Variants in NPAS3 observed in about 807,000 individuals in gnomAD.
NPAS3 encodes the protein neuronal PAS domain protein 3.
A neutral mutation model predicts 73.1 loss-of-function variants in NPAS3; 14 were observed. The observed-to-expected ratio is 0.19, with a 90% CI of 0.13 to 0.30. The LOEUF is 0.30. Among genes scored for constraint, NPAS3 ranks in the 10% least tolerant of loss-of-function variants. The pLI is 1.00. For missense variants in NPAS3, 1,096 were observed against 1,250.0 expected (o/e 0.88, Z 1.86); for synonymous variants, 620 against 541.5 (o/e 1.14, Z -2.01).
At chr14:33,211,509 G>A (rs1349460180) in intron 2 of NPAS3, among the ~76,000 whole-genome samples, 1 of 152,038 alleles carries the variant, frequency 6.6e-6, no homozygotes, top group Non-Finnish European at 1.5e-5. Flanking sequence ...AGCCAAGATC[G>A]AACCATTGCA....
chr14:33,077,117 A>G (rs534563148), intron 2 of NPAS3, among the ~76,000 whole-genome samples: 14 of 152,332 alleles, frequency 9.2e-5, no homozygotes, highest in African/African-American at 3.4e-4. Context: ...GGTAGCAGGC[A>G]CTAAACAAAT....
chr14:33,385,492 A>G (rs1284590184), intron 4 of NPAS3, among the ~76,000 whole-genome samples: 2 of 152,202 alleles, frequency 1.3e-5, no homozygotes, highest in East Asian at 3.9e-4. Flanking sequence ...AAACAGCACC[A>G]GTAGTTTTTG....
At chr14:33,659,120 G>C (rs2059234169) in intron 5 of NPAS3, among the ~76,000 whole-genome samples, 1 of 152,196 alleles carries the variant, frequency 6.6e-6, no homozygotes, top group African/African-American at 2.4e-5. Context: ...AAATGAATTA[G>C]ATATGGCTGC....
intron 3 of NPAS3, among the ~76,000 whole-genome samples, chr14:33,335,609 C>G (rs921046358): frequency 6.6e-6 from 1 of 152,136 alleles, no homozygotes; most frequent in Non-Finnish European, 1.5e-5. Flanking sequence ...GTTGGAAGTT[C>G]CCAGGCCAGT....
At chr14:33,522,781 A>C (rs371973873) in intron 4 of NPAS3, among the ~76,000 whole-genome samples, 1 of 152,158 alleles carries the variant, frequency 6.6e-6, no homozygotes, top group East Asian at 1.9e-4. Flanking sequence ...CAAGGAAAAT[A>C]GTTATCTTAC....
chr14:33,196,217 A>G (rs1329260140), intron 2 of NPAS3, among the ~76,000 whole-genome samples: 1 of 152,140 alleles, frequency 6.6e-6, no homozygotes, highest in Non-Finnish European at 1.5e-5. Context: ...GTACCTACCC[A>G]ATTAGCTCTA....
chr14:33,510,725 G>T (rs376718073), intron 4 of NPAS3, among the ~76,000 whole-genome samples: 3 of 152,116 alleles, frequency 2.0e-5, no homozygotes, highest in African/African-American at 7.2e-5. Flanking sequence ...TTTATATAAC[G>T]TGTGCTTACT....
intron 4 of NPAS3, among the ~76,000 whole-genome samples, chr14:33,514,227 T>A (rs1566963894): frequency 6.6e-6 from 1 of 151,980 alleles, no homozygotes; most frequent in Admixed American, 6.6e-5. Flanking sequence ...CAACCCATGG[T>A]ATAAGGAATA....
chr14:33,182,536 T>A (rs1278046342), intron 2 of NPAS3, among the ~76,000 whole-genome samples: 2 of 152,212 alleles, frequency 1.3e-5, no homozygotes, highest in Admixed American at 1.3e-4. Context: ...TTGTATTACT[T>A]GATAATAATT....
chr14:33,468,940 A>G (rs934859551), intron 4 of NPAS3, among the ~76,000 whole-genome samples: 2 of 152,198 alleles, frequency 1.3e-5, no homozygotes, highest in African/African-American at 4.8e-5. Context: ...GGAATCCAAA[A>G]GACCGAATCT....
chr14:33,384,412 G>A (rs2046686929), intron 4 of NPAS3, among the ~76,000 whole-genome samples: 1 of 150,012 alleles, frequency 6.7e-6, no homozygotes, highest in Admixed American at 6.6e-5. Flanking sequence ...TAATGTTTCT[G>A]TGTTTTTTTA....
rs150273895 is a variant in NPAS3 at position 33,007,007 on chromosome 14, C to A, written c.51-48898C>A. The stretch of plus-strand genomic sequence containing the variant: ...TTATTGTACATGAGCATAGAGTAAG[C>A]TTGAATTATGACTTTTTTTGTTATC... On this transcript the variant is annotated intron_variant, in intron 1 of 11. Transcript: ENST00000356141. Among the ~76,000 whole-genome samples, 538 of 151,614 alleles carry A rather than the reference C, an allele frequency of 3.5e-3. 9 individuals are homozygous for A. The highest frequency in any genetic ancestry group is 0.012 in the African/African-American group (508 of 41,516).
chr14:33,127,586 A>C (rs2043477556), intron 2 of NPAS3, among the ~76,000 whole-genome samples: 1 of 152,100 alleles, frequency 6.6e-6, no homozygotes, highest in Non-Finnish European at 1.5e-5. Flanking sequence ...CTGCTCCCTT[A>C]TAGAAGGAGG....
Position 33,789,583 on chromosome 14 carries a change from C to CTTTTTTTTTTTTTTTTTTTTTTT in NPAS3, c.1154-4313_1154-4291dup, listed in dbSNP as rs10567527. Among the ~76,000 whole-genome samples the CTTTTTTTTTTTTTTTTTTTTTTT allele has an allele frequency of 3.7e-4, 34 of 92,400 alleles. 5 individuals carry two copies. Among genetic ancestry groups the CTTTTTTTTTTTTTTTTTTTTTTT allele is most frequent in the African/African-American group, 7.8e-4 (18 of 23,052 alleles). 60.6% of individuals were successfully genotyped at this position (92,400 alleles called of 152,430 possible). A position where few individuals can be genotyped will look rare whatever the true frequency, so the allele number is the denominator to read the frequency against. Reference sequence around the variant, plus strand: ...ACTAAAAGTAATTACTAGAGTACAACTTTTTTTTTTTTTTTTTTTTTTTGA... The same window carrying CTTTTTTTTTTTTTTTTTTTTTTT: ...ACTAAAAGTAATTACTAGAGTACAACTTTTTTTTTTTTTTTTTTTTTTTTTTTTTTTTTTTTTTTTTTTTTTGA... On this transcript the variant is annotated intron_variant, in intron 9 of 11. Coordinates refer to ENST00000356141, the Ensembl canonical transcript of NPAS3.
At chr14:32,945,826 T>C (rs1265041085) in intron 1 of NPAS3, among the ~76,000 whole-genome samples, 1 of 152,206 alleles carries the variant, frequency 6.6e-6, no homozygotes, top group East Asian at 1.9e-4. Context: ...CCAGTAGTTT[T>C]GTGGGCAAGC....
intron 1 of NPAS3, among the ~76,000 whole-genome samples, chr14:32,947,158 A>G (rs1331124837): frequency 6.6e-6 from 1 of 152,212 alleles, no homozygotes. Context: ...ATAAAGAAAA[A>G]TTAATATTGG....
chr14:33,615,943 A>G (rs1235441631), intron 5 of NPAS3, among the ~76,000 whole-genome samples: 1 of 152,188 alleles, frequency 6.6e-6, no homozygotes, highest in African/African-American at 2.4e-5. Flanking sequence ...TTTAATGAGA[A>G]CATTGCTCTC....
chr14:33,443,401 T>C (rs2139300246), intron 4 of NPAS3, among the ~76,000 whole-genome samples: 1 of 152,372 alleles, frequency 6.6e-6, no homozygotes, highest in African/African-American at 2.4e-5. Flanking sequence ...CAAAGATTGC[T>C]AACTTTATGT....
intron 5 of NPAS3, among the ~76,000 whole-genome samples, chr14:33,563,689 T>C (rs7150076): frequency 0.33 from 50,172 of 151,978 alleles, 8,947 homozygotes; most frequent in African/African-American, 0.47. Context: ...GGCCTTATCT[T>C]AAAGGAAGAT....
Sources: gnomAD v4.1 joint callset for allele counts (sites outside exome capture counted in the v4.1 genomes callset) on GRCh38, gnomAD v4.1.1 for gene constraint, MANE v1.5 for transcripts, NCBI Gene and HGNC (gene_info 2026-07-23, HGNC 2026-07-21) for gene names.